KIZ: variants seen among roughly 807,000 people sequenced by gnomAD.
KIZ encodes centrosomal protein kizuna.
In KIZ, 68 loss-of-function variants were observed where a neutral mutation model predicts 79.6. The ratio of observed to expected loss-of-function variants is 0.85; its 90% CI spans 0.70 to 1.05. The LOEUF (loss-of-function observed/expected upper bound fraction) is 1.05, where lower values mean the gene tolerates loss of function less well. Among genes scored for constraint, KIZ ranks in the 50% least tolerant of loss-of-function variants. KIZ has a pLI of 0.00. For missense variants in KIZ, 797 were observed against 800.4 expected (o/e 1.00, Z 0.05); for synonymous variants, 280 against 281.8 (o/e 0.99, Z 0.06).
chr20:21,199,132 T>A (rs2035482242), intron 6 of KIZ, among the ~76,000 whole-genome samples: 1 of 152,212 alleles, frequency 6.6e-6, no homozygotes, highest in Non-Finnish European at 1.5e-5. Flanking sequence ...ACTCTCTTAA[T>A]CTAGGCTGCC....
intron 2 of KIZ, among the ~76,000 whole-genome samples, chr20:21,134,469 G>A (rs577695524): frequency 1.3e-5 from 2 of 152,170 alleles, no homozygotes; most frequent in Non-Finnish European, 2.9e-5. Flanking sequence ...AACTCACTAA[G>A]ATTCATACAA....
intron 6 of KIZ, among the ~76,000 whole-genome samples, chr20:21,171,666 G>C: frequency 6.6e-6 from 1 of 152,144 alleles, no homozygotes; most frequent in East Asian, 1.9e-4. Flanking sequence ...GCCAGTCTCA[G>C]AGTCCTGTCC....
At chr20:21,235,801 G>A (rs2036986266) in intron 11 of KIZ, among the ~76,000 whole-genome samples, 1 of 152,240 alleles carries the variant, frequency 6.6e-6, no homozygotes, top group Non-Finnish European at 1.5e-5. Flanking sequence ...ACCGTGGGTG[G>A]CATTCTGTGC....
chr20:21,167,906 C>A lies in KIZ; in HGVS notation c.1352+4747C>A, dbSNP rs2034020476. 2.0e-5 allele frequency among the ~76,000 whole-genome samples: 3 copies of A among 152,022 alleles called. No homozygotes were observed. The South Asian group carries it at 6.2e-4, about 32-fold the overall frequency. ...TGATATGTATCCACCTTTAAAGTAC[C>A]ATTAAAAAATAGTTTCTTTTTTTTA... On this transcript the variant is annotated intron_variant, in intron 6 of 12. Transcript: ENST00000619189.
chr20:21,169,896 T>C (rs1232238135), intron 6 of KIZ, among the ~76,000 whole-genome samples: 1 of 152,236 alleles, frequency 6.6e-6, no homozygotes, highest in Middle Eastern at 3.2e-3. Flanking sequence ...TTTTTATGGC[T>C]TCATAGCTTA....
intron 1 of KIZ, among the ~76,000 whole-genome samples, chr20:21,131,319 T>A (rs1356362303): frequency 2.0e-5 from 3 of 152,326 alleles, no homozygotes; most frequent in Non-Finnish European, 2.9e-5. Flanking sequence ...TCTTTACTGG[T>A]AGTAGCTCCA....
rs190937859 is a variant in KIZ, at chr20:21,232,752, G to A, written c.1802G>A (p.Gly601Asp). ...ATCACAGGTTTGAATATTGGCAGCGGTGCATTCGAGACAAAGACAGCTAAC... is the reference window on the plus strand; with the variant it reads ...ATCACAGGTTTGAATATTGGCAGCGATGCATTCGAGACAAAGACAGCTAAC... ...SHLSGLNIGS[G>D]AFETKTANKI... Residue 601 changes from glycine to aspartate, a missense_variant, in exon 11 of 13, where the codon GGT becomes GAT. Coordinates refer to ENST00000619189, the MANE Select transcript of KIZ (RefSeq NM_018474.6). The A allele has an allele frequency of 6.6e-5, 105 of 1,582,748 alleles. 2 individuals are homozygous for A. The East Asian group carries it at 2.2e-3, about 33-fold the overall frequency.
intron 10 of KIZ, among the ~76,000 whole-genome samples, chr20:21,231,676 T>A (rs998818145): frequency 1.3e-5 from 2 of 152,162 alleles, no homozygotes; most frequent in African/African-American, 2.4e-5. Context: ...TAAGGACTTA[T>A]CTGAGCCCCA....
chr20:21,236,645 C>T (rs920097889), intron 11 of KIZ, among the ~76,000 whole-genome samples: 2 of 152,014 alleles, frequency 1.3e-5, no homozygotes, highest in Admixed American at 6.6e-5. Flanking sequence ...CTCAGAGTCA[C>T]AATAACTTGG....
At chr20:21,237,870 C>T (rs1031191359) in intron 11 of KIZ, among the ~76,000 whole-genome samples, 1 of 152,202 alleles carries the variant, frequency 6.6e-6, no homozygotes, top group Non-Finnish European at 1.5e-5. Flanking sequence ...CGCTCTGTCA[C>T]CCAGGCTGGA....
intron 6 of KIZ, among the ~76,000 whole-genome samples, chr20:21,190,574 A>C (rs1042101008): frequency 2.0e-5 from 3 of 152,212 alleles, no homozygotes; most frequent in African/African-American, 7.2e-5. Flanking sequence ...TTAGCCTCTC[A>C]GGTTCCAACT....
chr20:21,172,580 CAA>C (rs2034257963), intron 6 of KIZ, among the ~76,000 whole-genome samples: 2 of 150,444 alleles, frequency 1.3e-5, no homozygotes, highest in African/African-American at 4.9e-5. Context: ...GCCTGGGTGA[CAA>C]AGAGAGACTC....
intron 11 of KIZ, among the ~76,000 whole-genome samples, chr20:21,240,976 C>T (rs1431414114): frequency 6.6e-6 from 1 of 152,214 alleles, no homozygotes; most frequent in East Asian, 1.9e-4. Flanking sequence ...AAAACCTTTG[C>T]CAACGTCTGC....
At chr20:21,236,334 T>G (rs1296695348) in intron 11 of KIZ, among the ~76,000 whole-genome samples, 4 of 152,212 alleles carry the variant, frequency 2.6e-5, no homozygotes, top group Non-Finnish European at 5.9e-5. Flanking sequence ...TCTGGATTAT[T>G]TTTTGCCTTC....
rs375753484 is a variant in KIZ at position 21,165,665 on chromosome 20, T to G, written c.1352+2506T>G. 2.0e-5 allele frequency among the ~76,000 whole-genome samples: 3 copies of G among 152,234 alleles called. No individual in the cohort carries two copies. The East Asian group carries it at 5.8e-4, about 29-fold the overall frequency. ...GTTGTCCATTCCCTTGCCTTGAGAG[T>G]GGGCAGGACTGGGAGTCTGATGGAT... On this transcript the variant is annotated intron_variant, in intron 6 of 12. Coordinates refer to ENST00000619189, the MANE Select transcript of KIZ (RefSeq NM_018474.6).
In KIZ at chr20:21,223,665, C is replaced by CTT. The variant is rs1053285543; in HGVS notation, c.1679-5327_1679-5326dup. On this transcript the variant is annotated intron_variant, in intron 9 of 12. Coordinates refer to ENST00000619189, the MANE Select transcript of KIZ (RefSeq NM_018474.6). ...GCCATATCCTATTTTCTCTCTCTCT[C>CTT]TTTTTTTTTTTTTTTTTTTTCAGAG... is the stretch of plus-strand genomic sequence containing the variant. Among the ~76,000 whole-genome samples the CTT allele has an allele frequency of 4.0e-3, 507 of 125,942 alleles. 1 individual carries two copies. The highest frequency in any genetic ancestry group is 4.7e-3 in the Non-Finnish European group (278 of 59,564). The allele number at this position is 125,942 out of a possible 152,430, so 82.6% of individuals were successfully genotyped here.
intron 6 of KIZ, chr20:21,198,480 G>T (rs2035452966): frequency 6.6e-6 from 1 of 152,656 alleles, no homozygotes; most frequent in East Asian, 1.9e-4. Flanking sequence ...TGTTTGGCTG[G>T]CTGAGTGAGT....
At chr20:21,225,257 C>T (rs371023116) in intron 9 of KIZ, among the ~76,000 whole-genome samples, 3 of 152,268 alleles carry the variant, frequency 2.0e-5, no homozygotes, top group South Asian at 2.1e-4. Context: ...AATGCTTGAA[C>T]GAAAGATTCA....
chr20:21,131,928 T>C, intron 1 of KIZ, 169 bp from the exon 2 acceptor site: 1 of 493,206 alleles, frequency 2.0e-6, no homozygotes, highest in Non-Finnish European at 3.6e-6. Flanking sequence ...CATTTTCTGC[T>C]TCTTAGACCA....
Sources: allele counts gnomAD v4.1 joint callset (sites outside exome capture counted in the v4.1 genomes callset), GRCh38; gene constraint gnomAD v4.1.1; transcripts MANE v1.5; gene names NCBI Gene and HGNC (gene_info 2026-07-23, HGNC 2026-07-21).